Variants in SGCZ observed in about 807,000 individuals in gnomAD.
The protein encoded by SGCZ is sarcoglycan zeta.
A neutral mutation model predicts 41.3 loss-of-function variants in SGCZ; 40 were observed. The ratio of observed to expected loss-of-function variants is 0.97; its 90% CI spans 0.75 to 1.26. SGCZ has a LOEUF of 1.26. Ranked by LOEUF, SGCZ falls within the 50% of genes most tolerant of loss-of-function variation. The probability of loss-of-function intolerance (pLI) is 0.00; values close to 1 mark genes in which losing one functional copy is unlikely to be tolerated. For synonymous variants in SGCZ, 206 were observed against 137.5 expected (o/e 1.50, Z -3.49); for missense variants, 552 against 369.8 (o/e 1.49, Z -4.04).
intron 2 of SGCZ, among the ~76,000 whole-genome samples, chr8:14,422,863 T>C (rs1020578470): frequency 6.6e-6 from 1 of 152,012 alleles, no homozygotes; most frequent in South Asian, 2.1e-4. Context: ...CTCGTCTTTC[T>C]GAAAAATTTT....
chr8:14,663,759 C>A (rs954279418), intron 1 of SGCZ, among the ~76,000 whole-genome samples: 1 of 151,844 alleles, frequency 6.6e-6, no homozygotes, highest in Non-Finnish European at 1.5e-5. Flanking sequence ...CACTTAGAAC[C>A]TGGAAAAATG....
intron 1 of SGCZ, among the ~76,000 whole-genome samples, chr8:14,993,616 TA>T (rs1802102394): frequency 6.6e-6 from 1 of 152,098 alleles, no homozygotes. Context: ...TCAGAAAGCA[TA>T]ATTTGAGCAA....
At chr8:14,329,993 T>C (rs13328392) in intron 2 of SGCZ, among the ~76,000 whole-genome samples, 2,322 of 152,240 alleles carry the variant, frequency 0.015, 59 homozygotes, top group African/African-American at 0.053. Context: ...CTTGAGATAA[T>C]CTTCACTGCC....
At chr8:14,397,878 C>G (rs1798964335) in intron 2 of SGCZ, among the ~76,000 whole-genome samples, 1 of 152,142 alleles carries the variant, frequency 6.6e-6, no homozygotes, top group Non-Finnish European at 1.5e-5. Context: ...ACTTAAGTTT[C>G]CTTCTTTCAT....
chr8:15,219,403 A>C (rs551544338), intron 1 of SGCZ, among the ~76,000 whole-genome samples: 1 of 152,310 alleles, frequency 6.6e-6, no homozygotes, highest in East Asian at 1.9e-4. Flanking sequence ...AGATATATCA[A>C]CTGCATCTTC....
chr8:14,784,706 C>G (rs1409081551), intron 1 of SGCZ, among the ~76,000 whole-genome samples: 1 of 151,186 alleles, frequency 6.6e-6, no homozygotes, highest in East Asian at 2.0e-4. Context: ...ACCAGCCTGA[C>G]TAACGTGGAG....
intron 5 of SGCZ, among the ~76,000 whole-genome samples, 160 bp from the exon 6 acceptor site, chr8:14,108,395 G>T (rs1362797958): frequency 1.3e-5 from 2 of 152,162 alleles, no homozygotes; most frequent in African/African-American, 4.8e-5. Context: ...AGACATATCC[G>T]AGACTGAGAA....
chr8:14,127,562 T>C (rs1190641771), intron 5 of SGCZ, among the ~76,000 whole-genome samples: 2 of 152,140 alleles, frequency 1.3e-5, no homozygotes, highest in Admixed American at 1.3e-4. Flanking sequence ...TTCATGCCAT[T>C]AGCCTGCCTC....
chr8:14,285,369 A>G (rs1397098530), intron 3 of SGCZ, among the ~76,000 whole-genome samples: 1 of 152,132 alleles, frequency 6.6e-6, no homozygotes, highest in Non-Finnish European at 1.5e-5. Flanking sequence ...TCTAAGAACA[A>G]GAGATTACTG....
chr8:15,137,257 TG>T (rs1469877442), intron 1 of SGCZ, among the ~76,000 whole-genome samples: 1 of 152,114 alleles, frequency 6.6e-6, no homozygotes, highest in Non-Finnish European at 1.5e-5. Flanking sequence ...GCGTATCTGG[TG>T]GAAGAAATTT....
At chr8:14,455,455 T>TACACACAC (rs5889534) in intron 2 of SGCZ, among the ~76,000 whole-genome samples, 4,017 of 144,406 alleles carry the variant, frequency 0.028, 70 homozygotes, top group Non-Finnish European at 0.035. Flanking sequence ...TTTGCATGCA[T>TACACACAC]ACACACACAC....
At chr8:14,250,776 G>T (rs573419886) in intron 3 of SGCZ, among the ~76,000 whole-genome samples, 32 of 152,198 alleles carry the variant, frequency 2.1e-4, no homozygotes, top group Middle Eastern at 6.8e-3. Flanking sequence ...ATGTCCCAGC[G>T]CTCCTATGCA....
intron 1 of SGCZ, among the ~76,000 whole-genome samples, chr8:14,633,124 G>C (rs2117403398): frequency 6.6e-6 from 1 of 152,012 alleles, no homozygotes; most frequent in South Asian, 2.1e-4. Context: ...CATCATGAAT[G>C]TTTGCTGAGT....
At chr8:14,829,516 A>G (rs994797096) in intron 1 of SGCZ, among the ~76,000 whole-genome samples, 1 of 152,206 alleles carries the variant, frequency 6.6e-6, no homozygotes. Flanking sequence ...GTAAGTTTGA[A>G]TAGTTATATT....
intron 1 of SGCZ, among the ~76,000 whole-genome samples, chr8:14,557,092 C>T (rs1041952483): frequency 3.3e-5 from 5 of 151,862 alleles, no homozygotes; most frequent in Non-Finnish European, 5.9e-5. Flanking sequence ...TACACCAATG[C>T]CTATTACTTT....
intron 1 of SGCZ, among the ~76,000 whole-genome samples, chr8:14,946,027 T>C (rs1443392173): frequency 9.7e-6 from 1 of 103,126 alleles, no homozygotes; most frequent in Non-Finnish European, 2.0e-5. Context: ...TATATATATA[T>C]ATATATATAT....
At chr8:14,865,931 T>C (rs1224483095) in intron 1 of SGCZ, among the ~76,000 whole-genome samples, 1 of 152,130 alleles carries the variant, frequency 6.6e-6, no homozygotes, top group African/African-American at 2.4e-5. Flanking sequence ...GGACCCCTTG[T>C]CATTAATTTG....
intron 1 of SGCZ, among the ~76,000 whole-genome samples, chr8:15,140,287 A>T (rs1808273324): frequency 6.6e-6 from 1 of 152,136 alleles, no homozygotes; most frequent in African/African-American, 2.4e-5. Context: ...GGCCTCCCAA[A>T]GTGCTGGAAT....
chr8:14,276,848 A>ACAC (rs1800254000), intron 3 of SGCZ, among the ~76,000 whole-genome samples: 1 of 152,156 alleles, frequency 6.6e-6, no homozygotes, highest in Non-Finnish European at 1.5e-5. Context: ...CATAGGGTGG[A>ACAC]CACCGAGTAA....
Sources: gnomAD v4.1 joint callset for allele counts (sites outside exome capture counted in the v4.1 genomes callset) on GRCh38, gnomAD v4.1.1 for gene constraint, MANE v1.5 for transcripts, NCBI Gene and HGNC (gene_info 2026-07-23, HGNC 2026-07-21) for gene names.